Variants in IL1RAPL1 observed in about 807,000 individuals in gnomAD.
IL1RAPL1 encodes interleukin-1 receptor accessory protein-like 1.
A neutral mutation model predicts 48.4 loss-of-function variants in IL1RAPL1; 3 were observed. That is an observed-to-expected ratio of 0.06 (90% confidence interval 0.03 to 0.16). The LOEUF (loss-of-function observed/expected upper bound fraction) is 0.16, where lower values mean the gene tolerates loss of function less well. Among genes scored for constraint, IL1RAPL1 ranks in the 10% least tolerant of loss-of-function variants. The pLI is 1.00. For synonymous variants in IL1RAPL1, 185 were observed against 187.7 expected, an observed-to-expected ratio of 0.99 and a Z score of 0.12; for missense variants, 349 against 530.6, an observed-to-expected ratio of 0.66 and a Z score of 3.36.
intron 5 of IL1RAPL1, among the ~76,000 whole-genome samples, chrX:29,543,396 A>C (rs1266576255): frequency 8.1e-5 from 9 of 110,468 alleles, no homozygotes; most frequent in African/African-American, 2.6e-4. Context: ...TATTAAAATA[A>C]GTAGCCCTCC....
intron 2 of IL1RAPL1, among the ~76,000 whole-genome samples, chrX:29,020,544 C>T (rs1166962064): frequency 1.8e-5 from 2 of 112,000 alleles, no homozygotes; most frequent in South Asian, 3.7e-4. Context: ...ATTCACATGA[C>T]GATGAAATCA....
At chrX:29,015,451 A>G (rs1269979037) in intron 2 of IL1RAPL1, among the ~76,000 whole-genome samples, 1 of 111,097 alleles carries the variant, frequency 9.0e-6, no homozygotes, top group Non-Finnish European at 1.9e-5. Context: ...CAGATACTAT[A>G]TTGATGGTAG....
chrX:29,686,981 T>TAA (rs202212925), intron 6 of IL1RAPL1, among the ~76,000 whole-genome samples: 2 of 98,274 alleles, frequency 2.0e-5, no homozygotes. Context: ...ATGGCTACTA[T>TAA]AAAAAAAAAA....
chrX:29,819,340 G>C (rs1197001859), intron 6 of IL1RAPL1, among the ~76,000 whole-genome samples: 2 of 110,917 alleles, frequency 1.8e-5, no homozygotes, highest in Non-Finnish European at 1.9e-5. Context: ...GATGAAAAAA[G>C]ACGTTAACTA....
intron 2 of IL1RAPL1, among the ~76,000 whole-genome samples, chrX:29,183,642 G>A (rs1377749273): frequency 9.1e-6 from 1 of 109,739 alleles, no homozygotes; most frequent in Non-Finnish European, 1.9e-5. Context: ...TTTTCCTACT[G>A]AATGAGATGC....
intron 2 of IL1RAPL1, among the ~76,000 whole-genome samples, chrX:28,939,887 T>A (rs1924122174): frequency 9.0e-6 from 1 of 110,720 alleles, no homozygotes; most frequent in Admixed American, 9.6e-5. Flanking sequence ...GACCTCAAAT[T>A]CCAGTGTGTC....
At chrX:29,802,791 G>GTATATATATA (rs1195101220) in intron 6 of IL1RAPL1, among the ~76,000 whole-genome samples, 5 of 34,102 alleles carry the variant, frequency 1.5e-4, no homozygotes, top group Non-Finnish European at 2.5e-4. Context: ...ATGTGTGTGT[G>GTATATATATA]TATATATATA....
chrX:28,882,502 G>A (rs1477758412), intron 2 of IL1RAPL1, among the ~76,000 whole-genome samples: 2 of 111,379 alleles, frequency 1.8e-5, no homozygotes, highest in African/African-American at 3.3e-5. Flanking sequence ...AATTAGCTGG[G>A]TGTGGTGGTG....
At chrX:28,887,421 T>A (rs867712717) in intron 2 of IL1RAPL1, among the ~76,000 whole-genome samples, 4 of 112,214 alleles carry the variant, frequency 3.6e-5, no homozygotes, top group Non-Finnish European at 7.5e-5. Context: ...AAGTTATTTA[T>A]CATGCAATAT....
At chrX:28,713,586 G>T (rs1409582395) in intron 1 of IL1RAPL1, among the ~76,000 whole-genome samples, 1 of 110,996 alleles carries the variant, frequency 9.0e-6, no homozygotes, top group Non-Finnish European at 1.9e-5. Flanking sequence ...ACAGCAGGAA[G>T]GATTGGGTCT....
chrX:29,641,962 G>A (rs1165134943), intron 5 of IL1RAPL1, among the ~76,000 whole-genome samples: 2 of 111,985 alleles, frequency 1.8e-5, no homozygotes, highest in Admixed American at 9.5e-5. Flanking sequence ...GTCTTTGTGT[G>A]GTCTCTAGCA....
At chrX:29,835,628 C>T (rs1930976446) in intron 6 of IL1RAPL1, among the ~76,000 whole-genome samples, 1 of 111,216 alleles carries the variant, frequency 9.0e-6, no homozygotes, top group African/African-American at 3.3e-5. Flanking sequence ...ACAGTGAACC[C>T]ATCAAGTCCT....
chrX:28,723,962 T>C (rs1375215679), intron 1 of IL1RAPL1, among the ~76,000 whole-genome samples: 4 of 111,851 alleles, frequency 3.6e-5, no homozygotes, highest in Non-Finnish European at 7.5e-5. Flanking sequence ...TGAGAGACAG[T>C]TTGTTATAAT....
intron 6 of IL1RAPL1, among the ~76,000 whole-genome samples, chrX:29,750,652 A>C (rs1247030083): frequency 8.9e-6 from 1 of 111,865 alleles, no homozygotes; most frequent in Non-Finnish European, 1.9e-5. Context: ...GGCATTTATA[A>C]TTTGGTAAAA....
intron 3 of IL1RAPL1, among the ~76,000 whole-genome samples, chrX:29,320,324 A>G (rs1569284766): frequency 8.9e-6 from 1 of 112,147 alleles, no homozygotes; most frequent in African/African-American, 3.2e-5. Context: ...GTTCAGGACC[A>G]CTGCCTTATC....
At chrX:28,923,911 G>T (rs2147338922) in intron 2 of IL1RAPL1, among the ~76,000 whole-genome samples, 1 of 111,645 alleles carries the variant, frequency 9.0e-6, no homozygotes, top group South Asian at 3.7e-4. Flanking sequence ...TTTAAATTAA[G>T]TATTAAAATA....
intron 5 of IL1RAPL1, among the ~76,000 whole-genome samples, chrX:29,622,701 A>G (rs7890572): frequency 0.092 from 10,202 of 110,910 alleles, 424 homozygotes; most frequent in Middle Eastern, 0.21. Flanking sequence ...TATTTTTTTA[A>G]TTACAAGCCA....
At chrX:29,150,921 C>CA (rs757072950) in intron 2 of IL1RAPL1, among the ~76,000 whole-genome samples, 3,277 of 43,423 alleles carry the variant, frequency 0.075, 71 homozygotes, top group Middle Eastern at 0.13. Context: ...GACTCCATCT[C>CA]AAAAAAAAAA....
chrX:29,551,751 A>C (rs1157179819), intron 5 of IL1RAPL1, among the ~76,000 whole-genome samples: 1 of 110,746 alleles, frequency 9.0e-6, no homozygotes, highest in Non-Finnish European at 1.9e-5. Flanking sequence ...GTTGGACTAA[A>C]GAAACATTCT....
Sources: allele counts gnomAD v4.1 joint callset (sites outside exome capture counted in the v4.1 genomes callset), GRCh38; gene constraint gnomAD v4.1.1; transcripts MANE v1.5; gene names NCBI Gene and HGNC (gene_info 2026-07-23, HGNC 2026-07-21).